Variants in THOC2 observed in about 807,000 individuals in gnomAD.
THOC2 encodes THO complex 2.
THOC2 carries 10 observed loss-of-function variants against 128.4 expected under a neutral mutation model. The observed-to-expected ratio is 0.08, with a 90% CI of 0.05 to 0.13. The LOEUF is 0.13. THOC2 is among the 10% of genes least tolerant of loss of function. The probability of loss-of-function intolerance (pLI) is 1.00; values close to 1 mark genes in which losing one functional copy is unlikely to be tolerated. For synonymous variants in THOC2, 393 were observed against 396.9 expected (o/e 0.99, Z 0.12); for missense variants, 535 against 1,155.7 (o/e 0.46, Z 7.79).
intron 7 of THOC2, among the ~76,000 whole-genome samples, chrX:123,690,954 G>C (rs2050196798): frequency 8.9e-6 from 1 of 112,489 alleles, no homozygotes; most frequent in African/African-American, 3.2e-5. Context: ...GCTCACGCCT[G>C]TAATCCCAGC....
intron 1 of THOC2, among the ~76,000 whole-genome samples, 168 bp downstream of exon 1, chrX:123,732,784 A>G (rs1347430927): frequency 9.0e-6 from 1 of 110,956 alleles, no homozygotes; most frequent in African/African-American, 3.3e-5. Flanking sequence ...CCGCGGCGGT[A>G]AACAGCACCT....
At chrX:123,661,506 A>T (rs1450061953) in intron 12 of THOC2, among the ~76,000 whole-genome samples, 1 of 110,981 alleles carries the variant, frequency 9.0e-6, no homozygotes, top group African/African-American at 3.3e-5. Flanking sequence ...GCTGGGGGTG[A>T]GGGGGAATAA....
At chrX:123,646,658 T>C (rs1265986101) in intron 12 of THOC2, among the ~76,000 whole-genome samples, 3 of 112,336 alleles carry the variant, frequency 2.7e-5, no homozygotes, top group Non-Finnish European at 5.6e-5. Context: ...ACACTCAATT[T>C]GTTTTTAATT....
chrX:123,626,409 G>A (rs745447580), intron 24 of THOC2, 112 bp downstream of exon 24: 3 of 792,023 alleles, frequency 3.8e-6, no homozygotes, highest in Non-Finnish European at 5.3e-6. Flanking sequence ...GAATGGGATA[G>A]GGAACACTGA....
At chrX:123,709,312 C>T (rs1010432668) in intron 2 of THOC2, among the ~76,000 whole-genome samples, 8 of 111,651 alleles carry the variant, frequency 7.2e-5, no homozygotes, top group Non-Finnish European at 1.3e-4. Context: ...CCACTAGAGG[C>T]CGGGCGCGGT....
At chrX:123,671,788 A>G (rs749993069) in intron 8 of THOC2, 27 bp from the exon 9 acceptor site, 1 of 990,775 alleles carries the variant, frequency 1.0e-6, no homozygotes, top group East Asian at 3.1e-5. Flanking sequence ...AAAAGTTTCC[A>G]TTTAGTGCAG....
At chrX:123,713,841 GA>G (rs1249437339) in intron 1 of THOC2, among the ~76,000 whole-genome samples, 386 of 89,923 alleles carry the variant, frequency 4.3e-3, no homozygotes, top group South Asian at 0.035. Context: ...TGGGAGACAG[GA>G]AAAAAAAAAA....
chrX:123,655,656 T>G (rs2048539233), intron 12 of THOC2, among the ~76,000 whole-genome samples: 1 of 111,408 alleles, frequency 9.0e-6, no homozygotes, highest in Non-Finnish European at 1.9e-5. Context: ...TGCCGCCATA[T>G]TAACACAAGA....
At chrX:123,708,622 T>C (rs999835443) in intron 2 of THOC2, among the ~76,000 whole-genome samples, 1 of 111,491 alleles carries the variant, frequency 9.0e-6, no homozygotes, top group Non-Finnish European at 1.9e-5. Context: ...AAGTCTAATC[T>C]TAACCACAGA....
At chrX:123,638,667 A>T (rs1353522957) in intron 17 of THOC2, among the ~76,000 whole-genome samples, 1 of 103,189 alleles carries the variant, frequency 9.7e-6, no homozygotes, top group Non-Finnish European at 2.0e-5. Flanking sequence ...TCACACACAC[A>T]AAAAAAAAAA....
chrX:123,657,494 A>C (rs2048647011), intron 12 of THOC2, among the ~76,000 whole-genome samples: 1 of 110,693 alleles, frequency 9.0e-6, no homozygotes, highest in South Asian at 3.7e-4. Context: ...TGTTATAACT[A>C]CAGAAAATCA....
intron 12 of THOC2, among the ~76,000 whole-genome samples, chrX:123,658,716 A>G (rs2048706859): frequency 8.9e-6 from 1 of 112,326 alleles, no homozygotes; most frequent in Non-Finnish European, 1.9e-5. Context: ...ATAAATGAGC[A>G]GAGCACAGAG....
intron 12 of THOC2, among the ~76,000 whole-genome samples, chrX:123,649,832 G>T (rs1043309082): frequency 1.8e-4 from 20 of 111,637 alleles, no homozygotes; most frequent in African/African-American, 5.5e-4. Flanking sequence ...ACGTTTGATT[G>T]GTGTACCTGA....
At position 123,600,818 on chromosome X, in the gene THOC2, G is replaced by C. The variant is rs2147489495; in HGVS notation, c.*539C>G. ...TGGTACCTTTTTCTTTTTTAAACAC[G>C]TTTAATGTTGTACATGTACTATATA... On this transcript the variant is annotated 3_prime_UTR_variant, in exon 39 of 39. Coordinates refer to ENST00000245838, the MANE Select transcript of THOC2 (RefSeq NM_001081550.2). 1 of 112,215 alleles carries C rather than the reference G, an allele frequency of 8.9e-6. No individual in the cohort carries two copies. The highest frequency in any genetic ancestry group is 1.9e-5 in the Non-Finnish European group (1 of 53,162). The allele number at this position is 112,215 out of a possible 1,213,427, so 9.2% of individuals were successfully genotyped here.
At chrX:123,719,359 G>A (rs971177492) in intron 1 of THOC2, among the ~76,000 whole-genome samples, 6 of 110,735 alleles carry the variant, frequency 5.4e-5, no homozygotes, top group African/African-American at 1.6e-4. Flanking sequence ...TGTCAGAATG[G>A]CTATTATCAA....
Position 123,645,699 on chromosome X carries a change from C to T in THOC2, c.1387-324G>A, listed in dbSNP as rs2048093612. 2.7e-5 allele frequency among the ~76,000 whole-genome samples: 3 copies of T among 112,160 alleles called. No homozygotes were observed. In the South Asian group the frequency reaches 1.1e-3, roughly 41 times the overall value. ...AGCAAGGGCTGGGCGCGGTGCCTCA[C>T]GCCTGTAATCCCAGCACTTTGGGAG... On this transcript the variant is annotated intron_variant, in intron 12 of 38. Transcript: ENST00000245838.
intron 17 of THOC2, among the ~76,000 whole-genome samples, chrX:123,638,589 G>A (rs928866844): frequency 5.4e-5 from 6 of 110,623 alleles, no homozygotes; most frequent in Non-Finnish European, 1.1e-4. Context: ...AACCCAGGAG[G>A]CGGAGGTTGC....
At position 123,616,324 on chromosome X, in the gene THOC2, GT is replaced by G. The variant is rs763523923; in HGVS notation, c.4312-2136del. Among the ~76,000 whole-genome samples the G allele has an allele frequency of 6.3e-5, 7 of 111,148 alleles. No homozygotes were observed. The East Asian group carries it at 2.0e-3, about 31-fold the overall frequency. ...TACTTCCTAGTTCCTTGTACACACA[GT>G]GAATACTCAATACAAGTTTGACAAA... On this transcript the variant is annotated intron_variant, in intron 33 of 38. Coordinates refer to ENST00000245838, the MANE Select transcript of THOC2 (RefSeq NM_001081550.2).
chrX:123,624,048 T>C lies in THOC2; in HGVS notation c.3318+12A>G. The C allele has an allele frequency of 9.3e-7, 1 of 1,074,548 alleles. No individual in the cohort carries two copies. The highest frequency in any genetic ancestry group is 1.2e-6 in the Non-Finnish European group (1 of 807,773). 88.6% of individuals were successfully genotyped at this position (1,074,548 alleles called of 1,213,427 possible). On this transcript the variant is annotated intron_variant, in intron 27 of 38. Transcript: ENST00000245838. ...AAAAATTTGCCTTTGAAAAATCCAA[T>C]TTTTTTTTTACCTTGGTTAGTTTGT...
Sources: allele counts gnomAD v4.1 joint callset (sites outside exome capture counted in the v4.1 genomes callset), GRCh38; gene constraint gnomAD v4.1.1; transcripts MANE v1.5; gene names NCBI Gene and HGNC (gene_info 2026-07-23, HGNC 2026-07-21).